Variants in DIAPH2 observed in about 807,000 individuals in gnomAD.
DIAPH2 encodes protein diaphanous homolog 2.
Under a neutral mutation model 92.7 loss-of-function variants are expected in DIAPH2, and 35 were observed. The ratio of observed to expected loss-of-function variants is 0.38; its 90% CI spans 0.29 to 0.50. DIAPH2 has a LOEUF of 0.50. Ranked by LOEUF, DIAPH2 falls within the 20% of genes least tolerant of loss-of-function variation. The pLI is 0.94. For synonymous variants in DIAPH2, 301 were observed against 280.4 expected (o/e 1.07, Z -0.73); for missense variants, 701 against 819.5 (o/e 0.86, Z 1.77).
At chrX:97,195,656 G>A (rs1285842065) in intron 22 of DIAPH2, among the ~76,000 whole-genome samples, 46 of 71,276 alleles carry the variant, frequency 6.5e-4, no homozygotes, top group Admixed American at 9.4e-4. Context: ...GCAAGACTCC[G>A]TCTCAAAAAA....
At chrX:96,902,979 T>A (rs1442938286) in intron 5 of DIAPH2, among the ~76,000 whole-genome samples, 2 of 111,512 alleles carry the variant, frequency 1.8e-5, no homozygotes, top group African/African-American at 6.5e-5. Context: ...TTAAATTTCT[T>A]TGATCTTTGT....
intron 19 of DIAPH2, among the ~76,000 whole-genome samples, chrX:97,089,678 A>G (rs2066808398): frequency 9.0e-6 from 1 of 111,686 alleles, no homozygotes; most frequent in Admixed American, 9.5e-5. Context: ...ATGAATGTTT[A>G]TAAATAAACA....
chrX:97,117,580 G>A (rs1266786592), intron 21 of DIAPH2, among the ~76,000 whole-genome samples: 1 of 111,885 alleles, frequency 8.9e-6, no homozygotes, highest in Non-Finnish European at 1.9e-5. Context: ...CTTTTAACAA[G>A]AAGCTATAGA....
Position 97,185,329 on chromosome X carries a change from A to ATATATATATATATATATG in DIAPH2, c.2719+43546_2719+43547insATATATGTATATATATAT, listed in dbSNP as rs2067574484. Among the ~76,000 whole-genome samples the ATATATATATATATATATG allele has an allele frequency of 2.1e-4, 2 of 9,406 alleles. 1 individual carries two copies. The highest frequency in any genetic ancestry group is 6.5e-4 in the African/African-American group (2 of 3,076). The allele number at this position is 9,406 out of a possible 115,157, so 8.2% of individuals were successfully genotyped here. A position where few individuals can be genotyped will look rare whatever the true frequency, so the allele number is the denominator to read the frequency against. On this transcript the variant is annotated intron_variant, in intron 22 of 26. Transcript: ENST00000324765. ...AAAATATATATATATATATATGTGT[A>ATATATATATATATATATG]TATATATATATGTATATATATATGT...
chrX:97,192,359 A>G (rs1383616915), intron 22 of DIAPH2, among the ~76,000 whole-genome samples: 1 of 110,237 alleles, frequency 9.1e-6, no homozygotes, highest in Non-Finnish European at 1.9e-5. Flanking sequence ...AGTTCTCTTT[A>G]TCTCTACCCC....
chrX:97,048,013 A>G lies in DIAPH2; in HGVS notation c.2051-24928A>G, dbSNP rs2066496245. Among the ~76,000 whole-genome samples, 3 of 110,932 alleles carry G rather than the reference A, an allele frequency of 2.7e-5. No homozygotes were observed. In the Admixed American group the frequency reaches 2.9e-4, roughly 11 times the overall value. ...TGATTTCCTTTCAAGCAAGACCAGG[A>G]AAACAGCATAATATAGTACACTGAG... On this transcript the variant is annotated intron_variant, in intron 17 of 26. Transcript: ENST00000324765.
intron 26 of DIAPH2, among the ~76,000 whole-genome samples, chrX:97,560,483 T>C (rs1408227577): frequency 9.0e-6 from 1 of 111,061 alleles, no homozygotes; most frequent in East Asian, 2.8e-4. Context: ...GTGTATATTC[T>C]TTTCCAACTG....
chrX:97,143,423 A>AACAT (rs1008325552), intron 22 of DIAPH2, among the ~76,000 whole-genome samples: 1 of 110,253 alleles, frequency 9.1e-6, no homozygotes, highest in Admixed American at 9.8e-5. Flanking sequence ...CAATTTTTAC[A>AACAT]ACATTTTGGA....
chrX:96,726,946 G>A (rs1471596611), intron 1 of DIAPH2, among the ~76,000 whole-genome samples: 12 of 111,781 alleles, frequency 1.1e-4, no homozygotes, highest in Non-Finnish European at 2.3e-4. Flanking sequence ...CGCCTTTTTA[G>A]CCTTTGATTC....
At chrX:96,967,074 T>C (rs1184174133) in intron 17 of DIAPH2, among the ~76,000 whole-genome samples, 1 of 111,928 alleles carries the variant, frequency 8.9e-6, no homozygotes, top group Admixed American at 9.5e-5. Flanking sequence ...GGGGTACATG[T>C]GCAGGATTGT....
At chrX:96,927,698 C>T (rs927079037) in intron 9 of DIAPH2, among the ~76,000 whole-genome samples, 2 of 110,770 alleles carry the variant, frequency 1.8e-5, no homozygotes, top group Middle Eastern at 4.2e-3. Flanking sequence ...CGTGTGTGTG[C>T]GTGTATGCAT....
intron 26 of DIAPH2, among the ~76,000 whole-genome samples, chrX:97,573,226 A>C (rs985828913): frequency 6.3e-5 from 7 of 111,733 alleles, no homozygotes; most frequent in Admixed American, 1.9e-4. Flanking sequence ...CTGTATGCCC[A>C]GTCCCATTGA....
intron 20 of DIAPH2, among the ~76,000 whole-genome samples, chrX:97,104,669 C>T (rs187284301): frequency 4.7e-4 from 52 of 111,285 alleles, no homozygotes; most frequent in African/African-American, 1.7e-3. Flanking sequence ...GTGTGTGCCA[C>T]CATACCTGGC....
chrX:97,415,796 T>C (rs916453884), intron 25 of DIAPH2, among the ~76,000 whole-genome samples: 2 of 110,769 alleles, frequency 1.8e-5, no homozygotes, highest in Non-Finnish European at 3.8e-5. Flanking sequence ...GGCACATGTA[T>C]ACCTATGTAA....
At chrX:97,512,340 G>A (rs1248468799) in intron 26 of DIAPH2, among the ~76,000 whole-genome samples, 4 of 112,866 alleles carry the variant, frequency 3.5e-5, no homozygotes, top group African/African-American at 1.3e-4. Flanking sequence ...GTATTTCTGT[G>A]GGATCGGTGG....
chrX:97,291,981 T>C (rs1484060210), intron 23 of DIAPH2, among the ~76,000 whole-genome samples: 3 of 111,849 alleles, frequency 2.7e-5, no homozygotes, highest in African/African-American at 9.7e-5. Flanking sequence ...GATTGATGTA[T>C]ACAGGATTTG....
At chrX:97,328,252 T>C (rs774360458) in intron 23 of DIAPH2, among the ~76,000 whole-genome samples, 1 of 110,670 alleles carries the variant, frequency 9.0e-6, no homozygotes, top group Non-Finnish European at 1.9e-5. Flanking sequence ...CTGGCAAACA[T>C]TGTGAAACCC....
At chrX:97,062,417 A>G (rs2066605207) in intron 17 of DIAPH2, among the ~76,000 whole-genome samples, 1 of 112,062 alleles carries the variant, frequency 8.9e-6, no homozygotes, top group African/African-American at 3.2e-5. Context: ...TAAGAGGTAC[A>G]GGTCCTGAGG....
chrX:97,410,281 ACTT>A (rs2069855397), intron 25 of DIAPH2, among the ~76,000 whole-genome samples: 1 of 112,146 alleles, frequency 8.9e-6, no homozygotes, highest in South Asian at 3.7e-4. Context: ...TCTGGAGTGG[ACTT>A]CCAGCAGACT....
Sources: allele counts gnomAD v4.1 joint callset (sites outside exome capture counted in the v4.1 genomes callset), GRCh38; gene constraint gnomAD v4.1.1; transcripts MANE v1.5; gene names NCBI Gene and HGNC (gene_info 2026-07-23, HGNC 2026-07-21).